Variants in ADAMTSL1 observed in about 807,000 individuals in gnomAD.
ADAMTSL1 encodes the protein ADAMTS-like protein 1.
A neutral mutation model predicts 201.8 loss-of-function variants in ADAMTSL1; 126 were observed. The observed-to-expected ratio is 0.62, with a 90% CI of 0.54 to 0.72. The LOEUF is 0.72. ADAMTSL1 is among the 30% of genes least tolerant of loss of function. ADAMTSL1 has a pLI of 0.00. For synonymous variants in ADAMTSL1, 1,121 were observed against 903.4 expected (o/e 1.24, Z -4.32); for missense variants, 2,679 against 2,277.8 (o/e 1.18, Z -3.59).
Position 18,591,069 on chromosome 9 carries a change from T to C in ADAMTSL1, c.474+16803T>C, listed in dbSNP as rs1399861568. On this transcript the variant is annotated intron_variant, in intron 4 of 28. Coordinates refer to ENST00000380548, the MANE Select transcript of ADAMTSL1 (RefSeq NM_001040272.6). ...TTTGGTCTAGAATATAGTTTAACCCTGATGCTTTTTTGTTAAATTTCTGTC... is the reference window on the plus strand; with the variant it reads ...TTTGGTCTAGAATATAGTTTAACCCCGATGCTTTTTTGTTAAATTTCTGTC... 3.3e-5 allele frequency among the ~76,000 whole-genome samples: 5 copies of C among 152,174 alleles called. No homozygotes were observed. The East Asian group carries it at 9.6e-4, about 29-fold the overall frequency.
At chr9:18,734,162 G>A (rs1230895710) in intron 15 of ADAMTSL1, among the ~76,000 whole-genome samples, 1 of 152,180 alleles carries the variant, frequency 6.6e-6, no homozygotes, top group Non-Finnish European at 1.5e-5. Flanking sequence ...GAGGAGAAGT[G>A]TGTTAAGCGC....
intron 1 of ADAMTSL1, among the ~76,000 whole-genome samples, chr9:17,960,017 A>C (rs1817676473): frequency 6.6e-6 from 1 of 152,168 alleles, no homozygotes; most frequent in Admixed American, 6.5e-5. Flanking sequence ...GCAGTGACTT[A>C]AACGTTATAT....
At chr9:18,086,534 A>G (rs916968226) in intron 1 of ADAMTSL1, among the ~76,000 whole-genome samples, 8 of 152,198 alleles carry the variant, frequency 5.3e-5, no homozygotes, top group African/African-American at 1.9e-4. Flanking sequence ...GACTATGATA[A>G]TTACATTCTT....
intron 2 of ADAMTSL1, among the ~76,000 whole-genome samples, chr9:18,172,426 G>A (rs1431139694): frequency 6.6e-6 from 1 of 152,012 alleles, no homozygotes; most frequent in East Asian, 1.9e-4. Flanking sequence ...TAAAATAACA[G>A]AAATAGCATT....
At chr9:18,656,960 A>C (rs1828724903) in intron 7 of ADAMTSL1, among the ~76,000 whole-genome samples, 1 of 152,106 alleles carries the variant, frequency 6.6e-6, no homozygotes, top group Non-Finnish European at 1.5e-5. Context: ...TGCAATTTCC[A>C]TTAAGTACCA....
intron 3 of ADAMTSL1, among the ~76,000 whole-genome samples, chr9:18,551,464 A>G (rs1820794022): frequency 6.6e-6 from 1 of 151,076 alleles, no homozygotes; most frequent in East Asian, 1.9e-4. Context: ...GAGATTGTCT[A>G]TTCCTTTCAT....
intron 4 of ADAMTSL1, among the ~76,000 whole-genome samples, chr9:18,587,520 GA>G (rs1250054045): frequency 2.0e-5 from 3 of 152,020 alleles, no homozygotes; most frequent in African/African-American, 7.2e-5. Context: ...TAGCTATTTG[GA>G]AATATACAAT....
intron 16 of ADAMTSL1, among the ~76,000 whole-genome samples, chr9:18,767,462 T>C (rs984595884): frequency 6.6e-6 from 1 of 152,190 alleles, no homozygotes; most frequent in African/African-American, 2.4e-5. Flanking sequence ...ACTGATCTGA[T>C]TATAGTATAA....
At chr9:18,095,374 T>G (rs1824200105) in intron 1 of ADAMTSL1, among the ~76,000 whole-genome samples, 3 of 151,814 alleles carry the variant, frequency 2.0e-5, no homozygotes, top group Non-Finnish European at 4.4e-5. Flanking sequence ...CTCATCAATT[T>G]GACACGTTTT....
At chr9:18,730,453 G>T (rs552670522) in intron 15 of ADAMTSL1, among the ~76,000 whole-genome samples, 9 of 152,250 alleles carry the variant, frequency 5.9e-5, no homozygotes, top group Non-Finnish European at 8.8e-5. Context: ...GCCAGCCAAG[G>T]TTAGGCAGTT....
rs1563912467 is a variant in ADAMTSL1, at chr9:17,946,052, ATGTGT to A, written c.87+39131_87+39135del. On this transcript the variant is annotated intron_variant, in intron 1 of 29. Coordinates refer to the ADAMTSL1 transcript ENST00000680146. The stretch of plus-strand genomic sequence containing the variant: ...CTTTGTGTTGAAAGATAAGCTCATG[ATGTGT>A]ATGTGTGTGTGTGTGTGTGTGTGTG... 4.4e-4 allele frequency among the ~76,000 whole-genome samples: 47 copies of A among 107,566 alleles called. No individual in the cohort carries two copies. In the East Asian group the frequency reaches 7.9e-3, roughly 18 times the overall value. The allele number at this position is 107,566 out of a possible 152,430, so 70.6% of individuals were successfully genotyped here. A position where few individuals can be genotyped will look rare whatever the true frequency, so the allele number is the denominator to read the frequency against.
At chr9:18,598,954 C>A (rs1030674405) in intron 4 of ADAMTSL1, among the ~76,000 whole-genome samples, 1 of 152,138 alleles carries the variant, frequency 6.6e-6, no homozygotes, top group African/African-American at 2.4e-5. Context: ...GTTTTGTTTT[C>A]CCAAGTTTTT....
chr9:18,224,757 A>G (rs954081694), intron 2 of ADAMTSL1, among the ~76,000 whole-genome samples: 1 of 152,072 alleles, frequency 6.6e-6, no homozygotes, highest in African/African-American at 2.4e-5. Context: ...AGGTGGGAGT[A>G]GAGGACAGGC....
chr9:18,509,717 C>G (rs1210340639), intron 2 of ADAMTSL1, among the ~76,000 whole-genome samples: 1 of 152,200 alleles, frequency 6.6e-6, no homozygotes, highest in African/African-American at 2.4e-5. Context: ...ACCATATTTG[C>G]TAGTATCTCA....
intron 1 of ADAMTSL1, among the ~76,000 whole-genome samples, chr9:18,000,471 G>A (rs1186325156): frequency 6.6e-6 from 1 of 151,916 alleles, no homozygotes; most frequent in Non-Finnish European, 1.5e-5. Flanking sequence ...AGAGGAAGGG[G>A]AAGAGTACCT....
At chr9:18,347,296 G>A (rs1307392460) in intron 2 of ADAMTSL1, among the ~76,000 whole-genome samples, 1 of 152,010 alleles carries the variant, frequency 6.6e-6, no homozygotes, top group Non-Finnish European at 1.5e-5. Flanking sequence ...CAGGAATTTG[G>A]TTGTGGTAAT....
chr9:18,397,643 C>A (rs1817808384), intron 2 of ADAMTSL1, among the ~76,000 whole-genome samples: 1 of 152,096 alleles, frequency 6.6e-6, no homozygotes, highest in African/African-American at 2.4e-5. Context: ...AGTCTGAATT[C>A]ATGAAAGTGA....
At chr9:18,816,797 A>C (rs528842067) in intron 20 of ADAMTSL1, among the ~76,000 whole-genome samples, 12 of 145,656 alleles carry the variant, frequency 8.2e-5, no homozygotes, top group Admixed American at 3.5e-4. Context: ...AAAAATTTAC[A>C]AATAATAGTT....
chr9:18,095,022 C>T (rs923599171), intron 1 of ADAMTSL1, among the ~76,000 whole-genome samples: 7 of 152,190 alleles, frequency 4.6e-5, no homozygotes, highest in Non-Finnish European at 1.0e-4. Flanking sequence ...TCCTGTCCCT[C>T]TATGTAGGTC....
Sources: allele counts gnomAD v4.1 joint callset (sites outside exome capture counted in the v4.1 genomes callset), GRCh38; gene constraint gnomAD v4.1.1; transcripts MANE v1.5; gene names NCBI Gene and HGNC (gene_info 2026-07-23, HGNC 2026-07-21).